COL25A1: variants seen among roughly 807,000 people sequenced by gnomAD.
COL25A1 encodes collagen type XXV alpha 1 chain, also known as collagen alpha-1(XXV) chain.
COL25A1 carries 103 observed loss-of-function variants against 128.4 expected under a neutral mutation model. The observed-to-expected ratio is 0.80, with a 90% confidence interval of 0.68 to 0.94. The LOEUF is 0.94. Ranked by LOEUF, COL25A1 falls within the 40% of genes least tolerant of loss-of-function variation. The pLI, the probability that COL25A1 is intolerant of heterozygous loss-of-function variation, is 0.00. For synonymous variants in COL25A1, 279 were observed against 277.2 expected (o/e 1.01, Z -0.06); for missense variants, 745 against 840.0 (o/e 0.89, Z 1.40).
intron 5 of COL25A1, among the ~76,000 whole-genome samples, chr4:109,024,379 A>G (rs1369711352): frequency 6.6e-6 from 1 of 151,972 alleles, no homozygotes; most frequent in Non-Finnish European, 1.5e-5. Flanking sequence ...TATTATGCTT[A>G]TTTATACTGT....
At chr4:109,027,929 C>T (rs1276428665) in intron 5 of COL25A1, among the ~76,000 whole-genome samples, 4 of 152,040 alleles carry the variant, frequency 2.6e-5, no homozygotes, top group African/African-American at 4.8e-5. Context: ...CATGTGCAAA[C>T]GTTGAATAGA....
chr4:109,097,958 A>G (rs1369025922), intron 3 of COL25A1, among the ~76,000 whole-genome samples: 1 of 152,112 alleles, frequency 6.6e-6, no homozygotes, highest in Non-Finnish European at 1.5e-5. Context: ...CACCGGCACC[A>G]GGCACAAATT....
chr4:108,900,979 A>G (rs1484058810), intron 14 of COL25A1, 140 bp downstream of exon 14: 1 of 585,794 alleles, frequency 1.7e-6, no homozygotes, highest in African/African-American at 1.9e-5. Context: ...AAAGTTCTAT[A>G]CTATAGCATA....
chr4:109,259,823 C>G (rs1010472556), intron 3 of COL25A1, among the ~76,000 whole-genome samples: 2 of 152,186 alleles, frequency 1.3e-5, no homozygotes, highest in African/African-American at 4.8e-5. Context: ...TCTATACCTT[C>G]CTCCGGCATC....
chr4:108,901,200 A>C, intron 13 of COL25A1, 28 bp from the exon 14 acceptor site: 2 of 1,528,112 alleles, frequency 1.3e-6, no homozygotes, highest in Non-Finnish European at 1.8e-6. Context: ...GATACTACTA[A>C]GTAAAATAGA....
intron 13 of COL25A1, among the ~76,000 whole-genome samples, chr4:108,904,913 T>C (rs1442853916): frequency 6.6e-6 from 1 of 152,138 alleles, no homozygotes; most frequent in Non-Finnish European, 1.5e-5. Flanking sequence ...CTTTCATTTT[T>C]TTTTTAAAAA....
At chr4:109,242,698 CAA>C (rs1346834479) in intron 3 of COL25A1, among the ~76,000 whole-genome samples, 1 of 151,962 alleles carries the variant, frequency 6.6e-6, no homozygotes, top group Non-Finnish European at 1.5e-5. Context: ...TTTATTTCAC[CAA>C]AGTTTTTTTA....
chr4:109,002,517 T>G (rs78497062), intron 6 of COL25A1, among the ~76,000 whole-genome samples: 1 of 152,132 alleles, frequency 6.6e-6, no homozygotes, highest in Non-Finnish European at 1.5e-5. Flanking sequence ...GTCAAACTCA[T>G]AGAAGCATAG....
rs201289863 is a variant in COL25A1, at chr4:109,219,392, G to GT, written c.367+81190dup. Among the ~76,000 whole-genome samples the GT allele has an allele frequency of 6.5e-3, 959 of 148,406 alleles. 7 individuals carry two copies. Among genetic ancestry groups the GT allele is most frequent in the Middle Eastern group, 0.017 (5 of 288 alleles). ...CTACCAACAGTCACACAGAGAATGA[G>GT]TTTTTTTTTTAAGGTACAAAGAAAG... is the stretch of plus-strand genomic sequence containing the variant. On this transcript the variant is annotated intron_variant, in intron 3 of 37. Transcript: ENST00000399132.
intron 3 of COL25A1, among the ~76,000 whole-genome samples, chr4:109,065,224 G>A (rs994629519): frequency 5.3e-5 from 8 of 152,126 alleles, no homozygotes; most frequent in African/African-American, 1.4e-4. Context: ...CCAAGTACAC[G>A]CAATCATGAA....
rs973238592 is a variant in COL25A1 at position 108,809,948 on chromosome 4, C to T, written c.*3979G>A. ...CTTAACTTCCAAGAGATAGCAGGAGCTCTTGTTTTTACAAATTAGAAAATC... is the reference window on the plus strand; with the variant it reads ...CTTAACTTCCAAGAGATAGCAGGAGTTCTTGTTTTTACAAATTAGAAAATC... On this transcript the variant is annotated 3_prime_UTR_variant, in exon 38 of 38. Transcript: ENST00000399132. 2 of 147,072 alleles carry T rather than the reference C, an allele frequency of 1.4e-5. No individual in the cohort carries two copies. Among genetic ancestry groups the T allele is most frequent in the African/African-American group, 2.4e-5 (1 of 40,832 alleles). 9.1% of individuals were successfully genotyped at this position (147,072 alleles called of 1,614,324 possible).
At chr4:108,837,708 G>T (rs186317118) in intron 31 of COL25A1, among the ~76,000 whole-genome samples, 1 of 152,088 alleles carries the variant, frequency 6.6e-6, no homozygotes, top group Non-Finnish European at 1.5e-5. Flanking sequence ...TACAGTTTTT[G>T]GTATCCAAGG....
chr4:109,262,521 A>C (rs1781523614), intron 3 of COL25A1, among the ~76,000 whole-genome samples: 1 of 150,856 alleles, frequency 6.6e-6, no homozygotes, highest in Admixed American at 6.6e-5. Context: ...CTCAAAAAAC[A>C]AAAAAAAAGC....
intron 13 of COL25A1, among the ~76,000 whole-genome samples, chr4:108,902,239 A>G (rs892583093): frequency 6.6e-6 from 1 of 151,980 alleles, no homozygotes; most frequent in Non-Finnish European, 1.5e-5. Context: ...AATAATAGTA[A>G]CATTTCTTAA....
chr4:108,894,349 G>A lies in COL25A1; in HGVS notation c.906+2318C>T, dbSNP rs184946314. Among the ~76,000 whole-genome samples the A allele has an allele frequency of 8.9e-3, 1,346 of 152,014 alleles. 10 individuals carry two copies. Among genetic ancestry groups the A allele is most frequent in the Non-Finnish European group, 0.013 (883 of 67,956 alleles). On this transcript the variant is annotated intron_variant, in intron 16 of 37. Coordinates refer to ENST00000399132, the MANE Select transcript of COL25A1 (RefSeq NM_198721.4). ...AAATCCACATAGGCATTGTTCAGAC[G>A]TAGTATAAATTTTTTTCACTTGAAA...
chr4:109,111,521 C>T (rs950785697), intron 3 of COL25A1, among the ~76,000 whole-genome samples: 12 of 152,154 alleles, frequency 7.9e-5, no homozygotes, highest in African/African-American at 1.4e-4. Flanking sequence ...GTCTTGCATT[C>T]GGAATCCTTC....
chr4:109,115,238 C>A (rs986823466), intron 3 of COL25A1, among the ~76,000 whole-genome samples: 2 of 152,132 alleles, frequency 1.3e-5, no homozygotes, highest in South Asian at 2.1e-4. Context: ...AAAACAAATA[C>A]CTTTATTTTT....
chr4:109,268,864 A>T (rs189817433), intron 3 of COL25A1, among the ~76,000 whole-genome samples: 334 of 152,208 alleles, frequency 2.2e-3, no homozygotes, highest in African/African-American at 7.8e-3. Context: ...GGCTTCCGGT[A>T]GCTCCCTCCG....
chr4:109,301,165 T>C (rs1725487564), intron 2 of COL25A1, among the ~76,000 whole-genome samples: 1 of 152,102 alleles, frequency 6.6e-6, no homozygotes, highest in Non-Finnish European at 1.5e-5. Context: ...GGCTCTGCAT[T>C]CATAAATACC....
Sources: allele counts gnomAD v4.1 joint callset (sites outside exome capture counted in the v4.1 genomes callset), GRCh38; gene constraint gnomAD v4.1.1; transcripts MANE v1.5; gene names NCBI Gene and HGNC (gene_info 2026-07-23, HGNC 2026-07-21).